The following NDUFC2 variants were observed in gnomAD, a reference collection of about 807,000 sequenced individuals.
NDUFC2 encodes NADH dehydrogenase [ubiquinone] 1 subunit C2.
A neutral mutation model predicts 10.1 loss-of-function variants in NDUFC2; 2 were observed. The ratio of observed to expected loss-of-function variants is 0.20; its 90% CI spans 0.08 to 0.62. NDUFC2 has a LOEUF of 0.62. Among genes scored for constraint, NDUFC2 ranks in the 20% least tolerant of loss-of-function variants. The pLI, the probability that NDUFC2 is intolerant of heterozygous loss-of-function variation, is 0.87. For synonymous variants in NDUFC2, 61 were observed against 63.6 expected, an observed-to-expected ratio of 0.96 and a Z score of 0.20; for missense variants, 156 against 159.6, an observed-to-expected ratio of 0.98 and a Z score of 0.12.
chr11:78,075,012 C>T (rs773579032), intron 1 of NDUFC2, among the ~76,000 whole-genome samples: 7 of 152,236 alleles, frequency 4.6e-5, no homozygotes, highest in Non-Finnish European at 1.0e-4. Flanking sequence ...CTCATTCTCT[C>T]TTAGTGGTCG....
Position 78,072,997 on chromosome 11 carries a change from C to A in NDUFC2, c.310+1G>T. The A allele has an allele frequency of 6.2e-7, 1 of 1,609,378 alleles. No individual in the cohort carries two copies. Among genetic ancestry groups the A allele is most frequent in the Non-Finnish European group, 8.5e-7 (1 of 1,179,108 alleles). On this transcript the variant is annotated splice_donor_variant, in intron 2 of 2. Coordinates refer to ENST00000281031, the MANE Select transcript of NDUFC2 (RefSeq NM_004549.6). LOFTEE classifies it high-confidence loss of function. The stretch of plus-strand genomic sequence containing the variant: ...GATTATCTAAAATTAACTTGAAATA[C>A]CTTCTTCAGGAAAATCCTCTGGATG...
intron 1 of NDUFC2, among the ~76,000 whole-genome samples, chr11:78,078,661 A>G (rs2136844437): frequency 6.7e-6 from 1 of 150,200 alleles, no homozygotes; most frequent in African/African-American, 2.5e-5. Flanking sequence ...TCAGACCAGC[A>G]GCAGCAGTGT....
At chr11:78,073,227 C>G in intron 1 of NDUFC2, 86 bp from the exon 2 acceptor site, 2 of 1,595,462 alleles carry the variant, frequency 1.3e-6, no homozygotes, top group Non-Finnish European at 1.7e-6. Flanking sequence ...CGCAGTGGCT[C>G]ACACCTGTAA....
intron 2 of NDUFC2, 92 bp downstream of exon 2, chr11:78,072,906 A>G: frequency 6.6e-7 from 1 of 1,505,412 alleles, no homozygotes. Flanking sequence ...AACAGAATTT[A>G]GAAGGTATCT....
intron 1 of NDUFC2, among the ~76,000 whole-genome samples, chr11:78,074,624 CA>C (rs1251628836): frequency 6.7e-6 from 1 of 149,860 alleles, no homozygotes; most frequent in Non-Finnish European, 1.5e-5. Flanking sequence ...AAAAAAAAAA[CA>C]AAAAAAGACC....
Position 78,079,486 on chromosome 11 carries a change from A to G in NDUFC2, c.166+93T>C. 6 of 1,456,406 alleles carry G rather than the reference A, an allele frequency of 4.1e-6. No homozygotes were observed. The East Asian group carries it at 1.6e-4, about 39-fold the overall frequency. 90.2% of individuals were successfully genotyped at this position (1,456,406 alleles called of 1,614,324 possible). ...GCCAGCTAGGCAAAAAGGCACGGAAAAGCAGAGCACCTCAGGGGGGCCTAC... is the reference window on the plus strand; with the variant it reads ...GCCAGCTAGGCAAAAAGGCACGGAAGAGCAGAGCACCTCAGGGGGGCCTAC... On this transcript the variant is annotated intron_variant, in intron 1 of 2. Transcript: ENST00000281031.
chr11:78,072,433 C>T (rs1437403806), intron 2 of NDUFC2, among the ~76,000 whole-genome samples: 1 of 152,216 alleles, frequency 6.6e-6, no homozygotes, highest in African/African-American at 2.4e-5. Context: ...CCCGCTCGGC[C>T]CCCCAAAGTG....
At chr11:78,074,484 G>A (rs1047393590) in intron 1 of NDUFC2, among the ~76,000 whole-genome samples, 8 of 151,830 alleles carry the variant, frequency 5.3e-5, no homozygotes, top group South Asian at 2.1e-4. Context: ...GTGGTAGCAC[G>A]CACCTGTAGT....
intron 1 of NDUFC2, among the ~76,000 whole-genome samples, chr11:78,073,516 TA>T (rs1201188703): frequency 6.8e-6 from 1 of 146,778 alleles, no homozygotes; most frequent in Non-Finnish European, 1.5e-5. Context: ...AAAATAAAAA[TA>T]AAAAAAGCAC....
chr11:78,070,805 A>G (rs1028064295), intron 2 of NDUFC2, among the ~76,000 whole-genome samples: 6 of 152,238 alleles, frequency 3.9e-5, no homozygotes, highest in Admixed American at 1.3e-4. Context: ...CTGTCTGTGC[A>G]TGAGGCTCTT....
At position 78,069,887 on chromosome 11, in the gene NDUFC2, C is replaced by T. The variant is rs1307328014; in HGVS notation, c.*100G>A. The T allele has an allele frequency of 2.5e-6, 4 of 1,611,346 alleles. No homozygotes were observed. The highest frequency in any genetic ancestry group is 3.4e-6 in the Non-Finnish European group (4 of 1,178,544). On this transcript the variant is annotated 3_prime_UTR_variant, in exon 3 of 3. Coordinates refer to ENST00000281031, the MANE Select transcript of NDUFC2 (RefSeq NM_004549.6). Reference sequence around the variant, plus strand: ...ACGTATTTTAATTACAAGGTGTCAACATACAGATTAGCATAAGCTTCAACT... The same window carrying T: ...ACGTATTTTAATTACAAGGTGTCAATATACAGATTAGCATAAGCTTCAACT...
rs117088592 is a variant in NDUFC2, at chr11:78,070,648, G to A, written c.311-612C>T. On this transcript the variant is annotated intron_variant, in intron 2 of 2. Transcript: ENST00000281031. ...CTGAAGAATAACTTTGGAGGAATCT[G>A]TGATGACAACCAAATGACTGCCAAG... 9.5e-3 allele frequency among the ~76,000 whole-genome samples: 1,454 copies of A among 152,314 alleles called. 8 individuals carry two copies. The highest frequency in any genetic ancestry group is 0.016 in the Non-Finnish European group (1,121 of 68,022).
At chr11:78,074,016 C>T (rs555873970) in intron 1 of NDUFC2, among the ~76,000 whole-genome samples, 8 of 150,968 alleles carry the variant, frequency 5.3e-5, no homozygotes, top group African/African-American at 1.5e-4. Flanking sequence ...GGACCAAAAG[C>T]GTGCACCACC....
chr11:78,074,918 G>A (rs1859177955), intron 1 of NDUFC2, among the ~76,000 whole-genome samples: 1 of 152,256 alleles, frequency 6.6e-6, no homozygotes, highest in South Asian at 2.1e-4. Context: ...GACTCCATAA[G>A]CGTTCGAGAT....
In NDUFC2 at chr11:78,069,740, G is replaced by C. The variant is rs933076545; in HGVS notation, c.*247C>G. On this transcript the variant is annotated 3_prime_UTR_variant, in exon 3 of 3. Coordinates refer to ENST00000281031, the MANE Select transcript of NDUFC2 (RefSeq NM_004549.6). ...GCAGTGGGCCAGATTTGGGTAGTCT[G>C]CTAACTCTAAACTAGAATTCAACCT... The C allele has an allele frequency of 3.7e-6, 3 of 817,346 alleles. No individual in the cohort carries two copies. The highest frequency in any genetic ancestry group is 3.5e-5 in the African/African-American group (2 of 57,786). The allele number at this position is 817,346 out of a possible 1,614,324, so 50.6% of individuals were successfully genotyped here.
intron 1 of NDUFC2, among the ~76,000 whole-genome samples, chr11:78,074,350 C>T (rs993105094): frequency 1.3e-5 from 2 of 152,072 alleles, no homozygotes; most frequent in Non-Finnish European, 2.9e-5. Flanking sequence ...TGGTGGCTCA[C>T]AACTGTAATC....
chr11:78,076,144 CT>C (rs5792793), intron 1 of NDUFC2, among the ~76,000 whole-genome samples: 122,584 of 146,474 alleles, frequency 0.84, 51,284 homozygotes, highest in African/African-American at 0.89. Context: ...CTCAATACTA[CT>C]TTTTTTTTTT....
chr11:78,071,037 T>C (rs576731382), intron 2 of NDUFC2, among the ~76,000 whole-genome samples: 1 of 152,314 alleles, frequency 6.6e-6, no homozygotes, highest in African/African-American at 2.4e-5. Context: ...GCATTCCCGA[T>C]ACATCCACTA....
Position 78,069,821 on chromosome 11 carries a change from C to A in NDUFC2, c.*166G>T. 2 of 1,446,452 alleles carry A rather than the reference C, an allele frequency of 1.4e-6. No homozygotes were observed. The highest frequency in any genetic ancestry group is 1.9e-6 in the Non-Finnish European group (2 of 1,057,500). The allele number at this position is 1,446,452 out of a possible 1,614,324, so 89.6% of individuals were successfully genotyped here. ...AAACTGACCATTCTCTGATGATGAA[C>A]TATTTTTCTTACAACAATAAAGAGT... On this transcript the variant is annotated 3_prime_UTR_variant, in exon 3 of 3. Transcript: ENST00000281031.
Sources: gnomAD v4.1 joint callset for allele counts (sites outside exome capture counted in the v4.1 genomes callset) on GRCh38, gnomAD v4.1.1 for gene constraint, MANE v1.5 for transcripts, NCBI Gene and HGNC (gene_info 2026-07-23, HGNC 2026-07-21) for gene names.